Variants in LGI1 observed in about 807,000 individuals in gnomAD.
LGI1 encodes the protein leucine-rich glioma-inactivated protein 1.
In LGI1, 11 loss-of-function variants were observed where a neutral mutation model predicts 57.7. The ratio of observed to expected loss-of-function variants is 0.19; its 90% CI spans 0.12 to 0.32. The LOEUF (loss-of-function observed/expected upper bound fraction) is 0.32. Ranked by LOEUF, LGI1 falls within the 10% of genes least tolerant of loss-of-function variation. The pLI is 1.00. For synonymous variants in LGI1, 222 were observed against 241.9 expected, an observed-to-expected ratio of 0.92 and a Z score of 0.76; for missense variants, 422 against 661.9, an observed-to-expected ratio of 0.64 and a Z score of 3.98.
rs1188256580 is a variant in LGI1 at position 93,797,375 on chromosome 10, G to A, written c.1246G>A (p.Ala416Thr). 7 of 1,614,176 alleles carry A rather than the reference G, an allele frequency of 4.3e-6. No individual in the cohort carries two copies. The highest frequency in any genetic ancestry group is 5.9e-6 in the Non-Finnish European group (7 of 1,180,048). Residue 416 changes from alanine (A) to threonine (T), a missense_variant, in exon 8 of 8, where the codon GCA (alanine) becomes ACA (threonine). By Grantham distance (58) the Ala-to-Thr change is moderately conservative (BLOSUM62 0). Transcript: ENST00000371418. This position sits in a 1 kb window ranked among gnomAD's most constrained non-coding sequence, Gnocchi z 6.5. ...TCCTGTAATTTATCAGTGGAACAAA[G>A]CAACACAATTATTCACTAACCAAAC... ...QRPVIYQWNK[A>T]TQLFTNQTDI... is the part of the protein sequence containing the mutation.
chr10:93,790,698 C>T lies in LGI1; in HGVS notation c.503+528C>T, dbSNP rs189403551. 7 of 152,876 alleles carry T rather than the reference C, an allele frequency of 4.6e-5. 1 individual carries two copies. Among genetic ancestry groups the T allele is most frequent in the African/African-American group, 1.7e-4 (7 of 41,554 alleles). The allele number at this position is 152,876 out of a possible 1,614,324, so 9.5% of individuals were successfully genotyped here. ...AATCCCCAGGAATTTGGCTTAAGCC[C>T]CAGGAAGGGAATGAACTTAATTATT... On this transcript the variant is annotated intron_variant, in intron 5 of 7. Coordinates refer to ENST00000371418, the MANE Select transcript of LGI1 (RefSeq NM_005097.4).
At chr10:93,766,983 C>A (rs1482515322) in intron 2 of LGI1, 1 of 152,198 alleles carries the variant, frequency 6.6e-6, no homozygotes, top group Non-Finnish European at 1.5e-5. Context: ...CTTCTGTCTA[C>A]TTCCTCCTGA....
In LGI1 at chr10:93,758,205, T is replaced by C. The variant is rs1485010492; in HGVS notation, c.61T>C (p.Tyr21His). Residue 21 changes from tyrosine (Y) to histidine (H), a missense_variant, in exon 1 of 8, where the codon TAT becomes CAT. Transcript: ENST00000371418. The surrounding 1 kb of genome is among the most constrained non-coding windows in gnomAD (Gnocchi z 4.7). ...NACIPLKRIAYFLCLLSALLL... is the reference protein window; with the variant it reads ...NACIPLKRIAHFLCLLSALLL... ...CTGCATTCCCCTGAAAAGAATTGCT[T>C]ATTTCCTATGTCTCTTATCTGCGCT... is the stretch of plus-strand genomic sequence containing the variant. The C allele has an allele frequency of 2.5e-6, 4 of 1,614,052 alleles. No homozygotes were observed. Among genetic ancestry groups the C allele is most frequent in the Non-Finnish European group, 3.4e-6 (4 of 1,180,032 alleles).
chr10:93,797,429 G>T lies in LGI1; in HGVS notation c.1300G>T (p.Ala434Ser), dbSNP rs758287710. The change falls in exon 8 of 8, where the codon GCA becomes TCA. Residue 434 changes from alanine to serine, a missense_variant. Around this residue, in one of 3 missense-constraint regions of LGI1, gnomAD observed 301 missense variants for 461.7 expected, o/e 0.65. Transcript: ENST00000371418. This position sits in a 1 kb window ranked among gnomAD's most constrained non-coding sequence, Gnocchi z 6.5. ...CATTCCTAACATGGAGGATGTGTAC[G>T]CAGTGAAGCACTTCTCAGTGAAAGG... is the stretch of plus-strand genomic sequence containing the variant. ...TDIPNMEDVY[A>S]VKHFSVKGDV... The T allele has an allele frequency of 6.2e-7, 1 of 1,614,140 alleles. No individual in the cohort carries two copies. Among genetic ancestry groups the T allele is most frequent in the Admixed American group, 1.7e-5 (1 of 60,024 alleles).
chr10:93,792,444 A>G (rs1004334418), intron 5 of LGI1: 4 of 321,182 alleles, frequency 1.2e-5, no homozygotes, highest in Non-Finnish European at 2.3e-5. Context: ...AGAAAATTTT[A>G]AATTACAATT....
At chr10:93,764,967 A>C (rs2059659537) in intron 2 of LGI1, 1 of 152,216 alleles carries the variant, frequency 6.6e-6, no homozygotes, top group Non-Finnish European at 1.5e-5. Context: ...TCTTACAGGA[A>C]ACATGAACTA....
At chr10:93,774,155 A>G (rs1269893381) in intron 2 of LGI1, among the ~76,000 whole-genome samples, 2 of 152,112 alleles carry the variant, frequency 1.3e-5, no homozygotes, top group African/African-American at 4.8e-5. Context: ...TGGTCACCAC[A>G]GGTAAAGGGG....
At chr10:93,778,383 A>G (rs2059814509) in intron 4 of LGI1, among the ~76,000 whole-genome samples, 1 of 128,786 alleles carries the variant, frequency 7.8e-6, no homozygotes, top group South Asian at 2.6e-4. Flanking sequence ...ACACACACAC[A>G]GGCACACATG....
intron 2 of LGI1, chr10:93,764,240 T>C (rs1330363060): frequency 2.0e-5 from 3 of 152,176 alleles, no homozygotes; most frequent in African/African-American, 4.8e-5. Flanking sequence ...ATGCATTAGT[T>C]TCATTTAAAA....
intron 2 of LGI1, among the ~76,000 whole-genome samples, chr10:93,773,377 G>T (rs2059758780): frequency 6.6e-6 from 1 of 152,122 alleles, no homozygotes; most frequent in Non-Finnish European, 1.5e-5. Flanking sequence ...CAGGGGTCTT[G>T]GGCCTTGCGA....
chr10:93,793,446 T>A, intron 7 of LGI1, 96 bp downstream of exon 7: 1 of 1,073,682 alleles, frequency 9.3e-7, no homozygotes, highest in South Asian at 1.3e-5. Flanking sequence ...TGCTTTAGCA[T>A]TTGAATTCCA....
intron 2 of LGI1, among the ~76,000 whole-genome samples, chr10:93,761,822 T>C (rs1473877745): frequency 6.6e-6 from 1 of 152,212 alleles, no homozygotes; most frequent in African/African-American, 2.4e-5. Flanking sequence ...GCAAATGCAA[T>C]TTCATTCATG....
chr10:93,787,806 C>T (rs1317278523), intron 4 of LGI1, among the ~76,000 whole-genome samples: 1 of 151,398 alleles, frequency 6.6e-6, no homozygotes, highest in East Asian at 1.9e-4. Context: ...ACTGGAGAGG[C>T]TGAGCCCAGA....
rs113872782 is a variant in LGI1 at position 93,783,232 on chromosome 10, T to C, written c.431+5615T>C. The stretch of plus-strand genomic sequence containing the variant: ...TCTACTAAAAATACAAAAAATTAGC[T>C]GGGCGTGGTGGCGGGCGCCTGTAGT... On this transcript the variant is annotated intron_variant, in intron 4 of 7. Transcript: ENST00000371418. Among the ~76,000 whole-genome samples, 683 of 152,018 alleles carry C rather than the reference T, an allele frequency of 4.5e-3. 5 individuals carry two copies. Among genetic ancestry groups the C allele is most frequent in the Middle Eastern group, 0.014 (4 of 294 alleles).
In LGI1 at chr10:93,797,224, C is replaced by G; in HGVS notation, c.1095C>G (p.Asn365Lys). The G allele has an allele frequency of 6.2e-7, 1 of 1,614,144 alleles. No homozygotes were observed. The highest frequency in any genetic ancestry group is 8.5e-7 in the Non-Finnish European group (1 of 1,180,028). Reference sequence around the variant, plus strand: ...CTACCATTTACAAATGGAACGGAAACGGATTCTACTCCCATCAATCCTTAC... The same window carrying G: ...CTACCATTTACAAATGGAACGGAAAGGGATTCTACTCCCATCAATCCTTAC... ...GFTTIYKWNG[N>K]GFYSHQSLHA... The change falls in exon 8 of 8, where the codon AAC becomes AAG. Residue 365 changes from asparagine (N) to lysine (K), a missense_variant. This residue lies in a region of LGI1 where 301 missense variants were observed against 461.7 expected (regional missense o/e 0.65). Transcript: ENST00000371418. This position sits in a 1 kb window ranked among gnomAD's most constrained non-coding sequence, Gnocchi z 6.5.
Position 93,793,194 on chromosome 10 carries a change from A to G in LGI1, c.682A>G (p.Lys228Glu). 6.2e-7 allele frequency: 1 copy of G among 1,610,854 alleles called. No homozygotes were observed. The highest frequency in any genetic ancestry group is 8.5e-7 in the Non-Finnish European group (1 of 1,178,742). The part of the protein sequence containing the change: ...DFDCIITEFA[K>E]SQDLPYQSLS... The stretch of plus-strand genomic sequence containing the variant: ...ATTTCCTATTTTTGCAGAATTTGCA[A>G]AGTCTCAAGACCTGCCTTATCAATC... Residue 228 changes from lysine (K) to glutamate (E), a missense_variant, in exon 7 of 8, where the codon AAG becomes GAG. Around this residue, in one of 3 missense-constraint regions of LGI1, gnomAD observed 301 missense variants for 461.7 expected, o/e 0.65. Transcript: ENST00000371418.
At chr10:93,766,512 C>CTTTTTTTTTTTT (rs71031537) in intron 2 of LGI1, among the ~76,000 whole-genome samples, 1,143 of 84,504 alleles carry the variant, frequency 0.014, 187 homozygotes, top group African/African-American at 0.05. Flanking sequence ...TTATAGATCT[C>CTTTTTTTTTTTT]TTTTTTTTTT....
intron 2 of LGI1, chr10:93,763,098 C>G (rs1198474485): frequency 2.0e-5 from 3 of 152,314 alleles, no homozygotes; most frequent in Non-Finnish European, 2.9e-5. Context: ...GCCTCACTGT[C>G]TGCTTTCAGT....
intron 7 of LGI1, among the ~76,000 whole-genome samples, chr10:93,795,389 G>A (rs1028457061): frequency 2.0e-5 from 3 of 152,104 alleles, no homozygotes; most frequent in South Asian, 4.1e-4. Context: ...CCTTCTCTGT[G>A]TCCTAACATG....
Sources: gnomAD v4.1 joint callset for allele counts (sites outside exome capture counted in the v4.1 genomes callset) on GRCh38, gnomAD v4.1.1 for gene constraint, gnomAD v4.1.1 regional missense constraint, Gnocchi (gnomAD v3.1) non-coding constraint, MANE v1.5 for transcripts, NCBI Gene and HGNC (gene_info 2026-07-23, HGNC 2026-07-21) for gene names.